Variants in ROBO1 observed in about 807,000 individuals in gnomAD.
ROBO1 encodes the protein roundabout homolog 1.
Under a neutral mutation model 195.9 loss-of-function variants are expected in ROBO1, and 149 were observed. The observed-to-expected ratio is 0.76, with a 90% confidence interval of 0.67 to 0.87. The LOEUF is 0.87. ROBO1 is among the 40% of genes least tolerant of loss of function. The probability of loss-of-function intolerance (pLI) is 0.00; values close to 1 mark genes in which losing one functional copy is unlikely to be tolerated. For synonymous variants in ROBO1, 816 were observed against 733.2 expected (o/e 1.11, Z -1.82); for missense variants, 1,933 against 2,068.3 (o/e 0.93, Z 1.27).
At chr3:78,903,643 A>C (rs554817663) in intron 4 of ROBO1, among the ~76,000 whole-genome samples, 1 of 152,176 alleles carries the variant, frequency 6.6e-6, no homozygotes, top group East Asian at 1.9e-4. Context: ...AATAGAAGAA[A>C]TTCGACTTTA....
At chr3:79,073,369 G>T (rs973176790) in intron 3 of ROBO1, among the ~76,000 whole-genome samples, 1 of 151,850 alleles carries the variant, frequency 6.6e-6, no homozygotes, top group Non-Finnish European at 1.5e-5. Flanking sequence ...GTGACAGAAG[G>T]GTTGCTAAGA....
At chr3:79,550,125 C>T (rs886462522) in intron 2 of ROBO1, among the ~76,000 whole-genome samples, 2 of 122,488 alleles carry the variant, frequency 1.6e-5, no homozygotes, top group Non-Finnish European at 3.3e-5. Context: ...ACTCCATCTC[C>T]AAAGGAAAAT....
At chr3:78,800,101 A>G (rs1377620193) in intron 4 of ROBO1, among the ~76,000 whole-genome samples, 2 of 152,130 alleles carry the variant, frequency 1.3e-5, no homozygotes, top group African/African-American at 4.8e-5. Context: ...TTCCTAGAGG[A>G]TTTTATCATG....
chr3:78,747,743 A>C (rs2108288179), intron 4 of ROBO1, among the ~76,000 whole-genome samples: 1 of 152,348 alleles, frequency 6.6e-6, no homozygotes, highest in African/African-American at 2.4e-5. Context: ...AACATACTGT[A>C]AAACAAGCAG....
intron 1 of ROBO1, among the ~76,000 whole-genome samples, chr3:79,713,448 AG>A (rs1336068000): frequency 3.3e-5 from 5 of 152,250 alleles, no homozygotes; most frequent in African/African-American, 1.2e-4. Context: ...ACATGAACAA[AG>A]GTTTGGAAGG....
chr3:79,086,930 A>G (rs557210020), intron 3 of ROBO1, among the ~76,000 whole-genome samples: 1 of 152,192 alleles, frequency 6.6e-6, no homozygotes, highest in East Asian at 1.9e-4. Context: ...GTCCTAACAT[A>G]TTTTCTATAG....
At chr3:78,874,279 T>C (rs2035712415) in intron 4 of ROBO1, among the ~76,000 whole-genome samples, 1 of 152,112 alleles carries the variant, frequency 6.6e-6, no homozygotes, top group Non-Finnish European at 1.5e-5. Flanking sequence ...CTTTATTTCA[T>C]TAATATGCTG....
chr3:79,453,769 T>C (rs2039521658), intron 2 of ROBO1, among the ~76,000 whole-genome samples: 1 of 152,008 alleles, frequency 6.6e-6, no homozygotes, highest in South Asian at 2.1e-4. Context: ...ATAGGAAACT[T>C]GGAAAAAACA....
At chr3:78,822,602 C>A (rs929590518) in intron 4 of ROBO1, among the ~76,000 whole-genome samples, 1 of 152,118 alleles carries the variant, frequency 6.6e-6, no homozygotes, top group African/African-American at 2.4e-5. Flanking sequence ...CATAGGTATA[C>A]CACATATTAT....
intron 2 of ROBO1, among the ~76,000 whole-genome samples, chr3:79,442,884 A>G (rs892799692): frequency 1.1e-4 from 17 of 152,240 alleles, no homozygotes; most frequent in Admixed American, 6.5e-4. Context: ...GGTACTTTTT[A>G]TTGTAGACAA....
At chr3:79,058,230 G>A (rs971208187) in intron 3 of ROBO1, among the ~76,000 whole-genome samples, 1 of 152,056 alleles carries the variant, frequency 6.6e-6, no homozygotes, top group African/African-American at 2.4e-5. Flanking sequence ...TTTAGTAATA[G>A]ACATGGCACC....
At chr3:79,364,237 T>TAC (rs1491171566) in intron 2 of ROBO1, among the ~76,000 whole-genome samples, 1 of 139,312 alleles carries the variant, frequency 7.2e-6, no homozygotes, top group South Asian at 2.3e-4. Context: ...TGTGTGTGTG[T>TAC]ATATATATAT....
rs536399118 is a variant in ROBO1 at position 79,462,796 on chromosome 3, G to C, written c.88+127028C>G. On this transcript the variant is annotated intron_variant, in intron 2 of 30. Coordinates refer to ENST00000464233, the MANE Select transcript of ROBO1 (RefSeq NM_002941.4). ...TTTTATCATGTAGTTAGTATTCAGA[G>C]TTTTGTGAATAAACAAGTGAGTAGA... Among the ~76,000 whole-genome samples, 2 of 152,122 alleles carry C rather than the reference G, an allele frequency of 1.3e-5. 1 individual carries two copies. Among genetic ancestry groups the C allele is most frequent in the South Asian group, 4.1e-4 (2 of 4,830 alleles).
chr3:78,695,400 C>T (rs1046043561), intron 8 of ROBO1, among the ~76,000 whole-genome samples: 6 of 151,904 alleles, frequency 3.9e-5, no homozygotes, highest in South Asian at 4.1e-4. Flanking sequence ...CCAAGGCAGG[C>T]GGATCATGAA....
intron 4 of ROBO1, among the ~76,000 whole-genome samples, chr3:78,808,530 A>G (rs147723184): frequency 6.6e-6 from 1 of 152,292 alleles, no homozygotes; most frequent in East Asian, 1.9e-4. Flanking sequence ...ATGTTATATC[A>G]AGTTGAAGCC....
intron 3 of ROBO1, among the ~76,000 whole-genome samples, chr3:78,957,925 C>G (rs186444974): frequency 6.6e-6 from 1 of 152,224 alleles, no homozygotes; most frequent in East Asian, 1.9e-4. Flanking sequence ...TTAAAATATA[C>G]TTTCTTCCCA....
intron 2 of ROBO1, among the ~76,000 whole-genome samples, chr3:79,471,402 A>G (rs896941433): frequency 2.0e-5 from 3 of 152,146 alleles, no homozygotes; most frequent in Non-Finnish European, 2.9e-5. Flanking sequence ...AGACTATACC[A>G]CATGCTTCAG....
intron 2 of ROBO1, among the ~76,000 whole-genome samples, chr3:79,579,080 A>G (rs1202379327): frequency 6.6e-6 from 1 of 152,196 alleles, no homozygotes; most frequent in Non-Finnish European, 1.5e-5. Context: ...ATTAGATGGC[A>G]TCTTGCAATC....
At chr3:78,900,944 T>A (rs2037545413) in intron 4 of ROBO1, among the ~76,000 whole-genome samples, 1 of 152,096 alleles carries the variant, frequency 6.6e-6, no homozygotes, top group South Asian at 2.1e-4. Flanking sequence ...ATGCAACACC[T>A]TTATTCATCT....
Sources: gnomAD v4.1 joint callset for allele counts (sites outside exome capture counted in the v4.1 genomes callset) on GRCh38, gnomAD v4.1.1 for gene constraint, MANE v1.5 for transcripts, NCBI Gene and HGNC (gene_info 2026-07-23, HGNC 2026-07-21) for gene names.